The following SEPTIN14 variants were observed in gnomAD, a reference collection of about 807,000 sequenced individuals.
SEPTIN14 encodes septin-14.
In SEPTIN14, 40 loss-of-function variants were observed where a neutral mutation model predicts 53.6. That is an observed-to-expected ratio of 0.75 (90% CI 0.58 to 0.97). The LOEUF (loss-of-function observed/expected upper bound fraction) is 0.97. SEPTIN14 is among the 50% of genes least tolerant of loss of function. The pLI, the probability that SEPTIN14 is intolerant of heterozygous loss-of-function variation, is 0.00. For missense variants in SEPTIN14, 471 were observed against 508.2 expected (o/e 0.93, Z 0.70); for synonymous variants, 138 against 166.8 (o/e 0.83, Z 1.33).
Position 55,817,765 on chromosome 7 carries a change from C to T in SEPTIN14, c.817+1362G>A, listed in dbSNP as rs183429674. 5.1e-3 allele frequency among the ~76,000 whole-genome samples: 770 copies of T among 152,028 alleles called. 8 individuals carry two copies. Among genetic ancestry groups the T allele is most frequent in the Middle Eastern group, 0.01 (3 of 290 alleles). ...GATTACAGGCGTGAGCCACTGCGCC[C>T]GGCCAATATTTTATATTCTTGAAAA... On this transcript the variant is annotated intron_variant, in intron 7 of 9. Transcript: ENST00000388975.
chr7:55,799,514 G>A (rs1425377761), intron 9 of SEPTIN14, among the ~76,000 whole-genome samples: 1 of 92,062 alleles, frequency 1.1e-5, no homozygotes, highest in African/African-American at 4.7e-5. Context: ...CAAGACTCTT[G>A]TCTCAAAAAA....
At chr7:55,821,904 C>A (rs1788902178) in intron 6 of SEPTIN14, among the ~76,000 whole-genome samples, 1 of 152,154 alleles carries the variant, frequency 6.6e-6, no homozygotes, top group Non-Finnish European at 1.5e-5. Flanking sequence ...CTTAATTGGA[C>A]TTACAGTTCC....
intron 2 of SEPTIN14, among the ~76,000 whole-genome samples, chr7:55,857,393 A>AAAGAG (rs200378180): frequency 0.044 from 6,366 of 144,524 alleles, 322 homozygotes; most frequent in East Asian, 0.22. Flanking sequence ...GAAAAGGAAA[A>AAAGAG]AAGAGAAGAG....
chr7:55,799,975 T>C (rs942016124), intron 9 of SEPTIN14, among the ~76,000 whole-genome samples: 6 of 152,188 alleles, frequency 3.9e-5, no homozygotes, highest in African/African-American at 1.4e-4. Context: ...ACATAGATCA[T>C]ATATTGGGCC....
intron 3 of SEPTIN14, among the ~76,000 whole-genome samples, chr7:55,845,432 A>G (rs892680539): frequency 6.6e-6 from 1 of 152,242 alleles, no homozygotes; most frequent in African/African-American, 2.4e-5. Context: ...AGAGGCCATC[A>G]TCCTTAGCAA....
At chr7:55,842,890 A>C (rs1420047806) in intron 5 of SEPTIN14, 52 bp downstream of exon 5, 30 of 1,222,278 alleles carry the variant, frequency 2.5e-5, no homozygotes, top group Non-Finnish European at 3.3e-5. Flanking sequence ...CCTGGGCGAC[A>C]GAGGGAGACT....
intron 3 of SEPTIN14, among the ~76,000 whole-genome samples, chr7:55,846,044 G>A (rs1358905909): frequency 5.5e-3 from 100 of 18,252 alleles, no homozygotes; most frequent in African/African-American, 0.011. Flanking sequence ...GCAAGACTCC[G>A]TCTCAGAAAA....
chr7:55,850,638 T>C (rs1222882792), intron 2 of SEPTIN14: 1 of 152,220 alleles, frequency 6.6e-6, no homozygotes, highest in African/African-American at 2.4e-5. Flanking sequence ...AACTGAAATA[T>C]TGAAATGGAA....
At chr7:55,843,484 A>G (rs1789350257) in intron 4 of SEPTIN14, among the ~76,000 whole-genome samples, 1 of 152,224 alleles carries the variant, frequency 6.6e-6, no homozygotes, top group Non-Finnish European at 1.5e-5. Context: ...ACCAAAATAC[A>G]AGGCAAAACC....
At chr7:55,809,208 A>G (rs924667481) in intron 7 of SEPTIN14, among the ~76,000 whole-genome samples, 2 of 151,930 alleles carry the variant, frequency 1.3e-5, no homozygotes, top group South Asian at 2.1e-4. Context: ...GGAGATAAAT[A>G]TTGAGAACAC....
At chr7:55,811,216 G>A (rs969305130) in intron 7 of SEPTIN14, 17 of 525,118 alleles carry the variant, frequency 3.2e-5, no homozygotes, top group African/African-American at 2.7e-4. Flanking sequence ...TCATCTTTGC[G>A]CAGTGCCTTG....
rs766198324 is a variant in SEPTIN14, at chr7:55,805,252, A to G, written c.1119+6T>C. ...ATACAAATTATATCAAACTGTCAGTACTAACCTCTTTTTCAGCTTCTTTAA... is the reference window on the plus strand; with the variant it reads ...ATACAAATTATATCAAACTGTCAGTGCTAACCTCTTTTTCAGCTTCTTTAA... On this transcript the variant is annotated splice_donor_region_variant and intron_variant, in intron 9 of 9. Transcript: ENST00000388975. 76 of 1,610,626 alleles carry G rather than the reference A, an allele frequency of 4.7e-5. No homozygotes were observed. Among genetic ancestry groups the G allele is most frequent in the Non-Finnish European group, 6.2e-5 (73 of 1,177,866 alleles).
chr7:55,858,206 A>G (rs546467025), intron 2 of SEPTIN14, among the ~76,000 whole-genome samples: 2 of 152,320 alleles, frequency 1.3e-5, no homozygotes, highest in East Asian at 3.9e-4. Context: ...ATGTGCAGAA[A>G]TTCACAATGG....
At chr7:55,842,347 T>C (rs1789326538) in intron 5 of SEPTIN14, among the ~76,000 whole-genome samples, 1 of 152,114 alleles carries the variant, frequency 6.6e-6, no homozygotes, top group South Asian at 2.1e-4. Context: ...GGCTCATGCC[T>C]GTAATCCCAA....
rs1476751816 is a variant in SEPTIN14, at chr7:55,793,786, C to T, written c.*2127G>A. The T allele has an allele frequency of 4.6e-5, 7 of 151,554 alleles. No homozygotes were observed. The highest frequency in any genetic ancestry group is 7.3e-5 in the African/African-American group (3 of 41,234). 9.4% of individuals were successfully genotyped at this position (151,554 alleles called of 1,614,324 possible). On this transcript the variant is annotated 3_prime_UTR_variant, in exon 10 of 10. Coordinates refer to ENST00000388975, the MANE Select transcript of SEPTIN14 (RefSeq NM_207366.3). Reference sequence around the variant, plus strand: ...ATGTAATTTTCATAGTAACCAAAAACGAAATCTACATAGAATATACACAAA... The same window carrying T: ...ATGTAATTTTCATAGTAACCAAAAATGAAATCTACATAGAATATACACAAA...
intron 2 of SEPTIN14, among the ~76,000 whole-genome samples, chr7:55,854,493 G>C (rs1285742796): frequency 6.6e-6 from 1 of 151,502 alleles, no homozygotes; most frequent in Non-Finnish European, 1.5e-5. Flanking sequence ...GCAGTAGTGC[G>C]ATCTCGGCTC....
chr7:55,819,752 C>T (rs1442039552), intron 6 of SEPTIN14, among the ~76,000 whole-genome samples: 2 of 151,984 alleles, frequency 1.3e-5, no homozygotes, highest in African/African-American at 4.8e-5. Flanking sequence ...GAGCCAGAGC[C>T]TAAAGCAAGG....
rs147711011 is a variant in SEPTIN14, at chr7:55,860,081, C to T, written c.54+1862G>A. On this transcript the variant is annotated intron_variant, in intron 2 of 9. Transcript: ENST00000388975. ...GTAATCCCAGCTACTTGGGAGGCTG[C>T]GGCAGGAGAATCAATTGAACCTGGG... 1.1e-3 allele frequency among the ~76,000 whole-genome samples: 162 copies of T among 149,462 alleles called. 3 individuals carry two copies. The highest frequency in any genetic ancestry group is 3.7e-3 in the African/African-American group (153 of 41,110).
chr7:55,835,203 T>G (rs1214156143), intron 5 of SEPTIN14, among the ~76,000 whole-genome samples: 1 of 151,862 alleles, frequency 6.6e-6, no homozygotes, highest in Non-Finnish European at 1.5e-5. Flanking sequence ...ATTTATTTAT[T>G]TATTTATTTA....
Sources: gnomAD v4.1 joint callset for allele counts (sites outside exome capture counted in the v4.1 genomes callset) on GRCh38, gnomAD v4.1.1 for gene constraint, MANE v1.5 for transcripts, NCBI Gene and HGNC (gene_info 2026-07-23, HGNC 2026-07-21) for gene names.